The following ZNF277 variants were observed in gnomAD, a reference collection of about 807,000 sequenced individuals.
ZNF277 encodes the protein zinc finger protein 277.
ZNF277 carries 55 observed loss-of-function variants against 60.7 expected under a neutral mutation model. The ratio of observed to expected loss-of-function variants is 0.91; its 90% CI spans 0.73 to 1.13. The LOEUF (loss-of-function observed/expected upper bound fraction) is 1.13. Ranked by LOEUF, ZNF277 falls within the 50% of genes most tolerant of loss-of-function variation. The pLI is 0.00. For missense variants in ZNF277, 510 were observed against 523.0 expected, an observed-to-expected ratio of 0.98 and a Z score of 0.24; for synonymous variants, 178 against 179.3, an observed-to-expected ratio of 0.99 and a Z score of 0.06.
intron 6 of ZNF277, among the ~76,000 whole-genome samples, chr7:112,329,693 A>G (rs1448284949): frequency 6.6e-6 from 1 of 152,236 alleles, no homozygotes. Flanking sequence ...AGCTCACAGG[A>G]TATCCCAAAC....
chr7:112,209,758 A>T (rs185422675), intron 1 of ZNF277, among the ~76,000 whole-genome samples: 1 of 152,192 alleles, frequency 6.6e-6, no homozygotes, highest in African/African-American at 2.4e-5. Flanking sequence ...TTAAAAGTAT[A>T]TTTTTTGTTA....
At chr7:112,299,854 C>A (rs900328261) in intron 4 of ZNF277, among the ~76,000 whole-genome samples, 22 of 152,262 alleles carry the variant, frequency 1.4e-4, no homozygotes, top group African/African-American at 5.3e-4. Flanking sequence ...CATTTGCTGA[C>A]TTGATTTGCA....
At chr7:112,222,764 G>A (rs1012966794) in intron 1 of ZNF277, among the ~76,000 whole-genome samples, 1 of 152,154 alleles carries the variant, frequency 6.6e-6, no homozygotes, top group Non-Finnish European at 1.5e-5. Context: ...TTGGATTGAA[G>A]GATACAAAGT....
chr7:112,300,282 G>A (rs1052477932), intron 4 of ZNF277, among the ~76,000 whole-genome samples: 6 of 152,232 alleles, frequency 3.9e-5, no homozygotes, highest in Non-Finnish European at 7.4e-5. Flanking sequence ...ATTCCTACTT[G>A]ACACTTCTTT....
chr7:112,222,078 C>A (rs1822045650), intron 1 of ZNF277, among the ~76,000 whole-genome samples: 2 of 152,138 alleles, frequency 1.3e-5, no homozygotes, highest in African/African-American at 4.8e-5. Flanking sequence ...TTTCAGTGTG[C>A]TGTTGAATTT....
intron 2 of ZNF277, among the ~76,000 whole-genome samples, chr7:112,292,737 A>G (rs1434735360): frequency 1.3e-5 from 2 of 152,214 alleles, no homozygotes; most frequent in Non-Finnish European, 2.9e-5. Flanking sequence ...GTAAGGACTC[A>G]TTAAATGGTA....
In ZNF277 at chr7:112,340,966, C is replaced by T; in HGVS notation, c.1104C>T (p.Ser368=). The change falls in exon 11 of 12, where the codon TCC becomes TCT. Residue 368 remains serine, a synonymous_variant. Coordinates refer to ENST00000361822, the MANE Select transcript of ZNF277 (RefSeq NM_021994.3). ...RCYGCHVKFK[S]KADLRTHMEE... is the part of the protein sequence containing the mutation. ...ATGGCTGCCATGTGAAGTTCAAATC[C>T]AAAGCAGACTTAAGAACTCACATGG... The T allele has an allele frequency of 2.5e-6, 4 of 1,612,508 alleles. No individual in the cohort carries two copies. The highest frequency in any genetic ancestry group is 1.3e-5 in the African/African-American group (1 of 74,968).
At chr7:112,334,763 T>C (rs1793298133) in intron 7 of ZNF277, among the ~76,000 whole-genome samples, 1 of 152,186 alleles carries the variant, frequency 6.6e-6, no homozygotes, top group Admixed American at 6.5e-5. Flanking sequence ...CATACTTTAG[T>C]AATACCTTGC....
At chr7:112,243,821 A>G (rs1791016621) in intron 1 of ZNF277, among the ~76,000 whole-genome samples, 1 of 152,140 alleles carries the variant, frequency 6.6e-6, no homozygotes, top group South Asian at 2.1e-4. Flanking sequence ...CCAAAGGAAA[A>G]GAAATAATGT....
At chr7:112,305,499 G>T (rs543872002) in intron 4 of ZNF277, among the ~76,000 whole-genome samples, 4 of 151,828 alleles carry the variant, frequency 2.6e-5, no homozygotes, top group Non-Finnish European at 5.9e-5. Flanking sequence ...TTCCTTTCTC[G>T]GGGGTAGGAA....
chr7:112,211,259 T>C lies in ZNF277; in HGVS notation c.91+4452T>C, dbSNP rs572563164. Among the ~76,000 whole-genome samples the C allele has an allele frequency of 1.3e-5, 2 of 152,332 alleles. 1 individual carries two copies. Among genetic ancestry groups the C allele is most frequent in the African/African-American group, 4.8e-5 (2 of 41,580 alleles). On this transcript the variant is annotated intron_variant, in intron 1 of 11. Transcript: ENST00000361822. ...TGGCATCAAGTCTAAGCTAGAAACCTAGGAAGCATCCTTGATTCCTAACTC... is the reference window on the plus strand; with the variant it reads ...TGGCATCAAGTCTAAGCTAGAAACCCAGGAAGCATCCTTGATTCCTAACTC...
At chr7:112,236,369 C>T (rs768803884) in intron 1 of ZNF277, among the ~76,000 whole-genome samples, 1 of 151,932 alleles carries the variant, frequency 6.6e-6, no homozygotes, top group Non-Finnish European at 1.5e-5. Context: ...TACATTAGAC[C>T]TAGGTACTAC....
At chr7:112,337,289 C>T (rs140996080) in intron 8 of ZNF277, among the ~76,000 whole-genome samples, 218 of 152,340 alleles carry the variant, frequency 1.4e-3, no homozygotes, top group African/African-American at 4.1e-3. Flanking sequence ...GAAAGAGACA[C>T]GGTTTGCCTT....
intron 1 of ZNF277, among the ~76,000 whole-genome samples, chr7:112,277,804 A>T (rs1791843929): frequency 6.6e-6 from 1 of 152,222 alleles, no homozygotes. Context: ...ATGTGTTTAT[A>T]TAAAACTACA....
At chr7:112,302,446 T>A (rs1015442624) in intron 4 of ZNF277, among the ~76,000 whole-genome samples, 4 of 152,144 alleles carry the variant, frequency 2.6e-5, no homozygotes, top group Non-Finnish European at 4.4e-5. Context: ...AATTCCTATC[T>A]TTCAGGCACA....
At chr7:112,249,204 T>C (rs1240222117) in intron 1 of ZNF277, among the ~76,000 whole-genome samples, 1 of 152,214 alleles carries the variant, frequency 6.6e-6, no homozygotes, top group Admixed American at 6.5e-5. Context: ...CACAGTTTTC[T>C]GTCTAAAGCA....
rs545090994 is a variant in ZNF277 at position 112,330,618 on chromosome 7, G to A, written c.801+402G>A. The A allele has an allele frequency of 1.2e-3, 197 of 171,122 alleles. 1 individual carries two copies. The highest frequency in any genetic ancestry group is 4.9e-3 in the African/African-American group (192 of 38,820). 10.6% of individuals were successfully genotyped at this position (171,122 alleles called of 1,614,324 possible). On this transcript the variant is annotated intron_variant, in intron 7 of 11. Coordinates refer to ENST00000361822, the MANE Select transcript of ZNF277 (RefSeq NM_021994.3). ...TTTGCTGTGTCGCCCAGGCTGGAGT[G>A]CAGTGGCACGATCTCGGCTCACTGC...
At chr7:112,223,703 C>G (rs1430874292) in intron 1 of ZNF277, among the ~76,000 whole-genome samples, 2 of 152,172 alleles carry the variant, frequency 1.3e-5, no homozygotes, top group Non-Finnish European at 2.9e-5. Flanking sequence ...GGGATGGCTG[C>G]AAAATTTTTT....
chr7:112,296,513 A>C (rs1460679342), intron 4 of ZNF277, among the ~76,000 whole-genome samples: 2 of 152,086 alleles, frequency 1.3e-5, no homozygotes, highest in Non-Finnish European at 2.9e-5. Flanking sequence ...TTAAAAATGC[A>C]GAGAGAATTT....
Sources: gnomAD v4.1 joint callset for allele counts (sites outside exome capture counted in the v4.1 genomes callset) on GRCh38, gnomAD v4.1.1 for gene constraint, MANE v1.5 for transcripts, NCBI Gene and HGNC (gene_info 2026-07-23, HGNC 2026-07-21) for gene names.